The following FAM81A variants were observed in gnomAD, a reference collection of about 807,000 sequenced individuals.
FAM81A encodes the protein protein FAM81A.
A neutral mutation model predicts 46.7 loss-of-function variants in FAM81A; 19 were observed. That is an observed-to-expected ratio of 0.41 (90% CI 0.28 to 0.60). The LOEUF (loss-of-function observed/expected upper bound fraction) is 0.60, where lower values mean the gene tolerates loss of function less well. Among genes scored for constraint, FAM81A ranks in the 20% least tolerant of loss-of-function variants. The probability of loss-of-function intolerance (pLI) is 0.34; values close to 1 mark genes in which losing one functional copy is unlikely to be tolerated. For synonymous variants in FAM81A, 183 were observed against 152.9 expected, an observed-to-expected ratio of 1.20 and a Z score of -1.45; for missense variants, 377 against 453.5, an observed-to-expected ratio of 0.83 and a Z score of 1.53.
intron 3 of FAM81A, among the ~76,000 whole-genome samples, chr15:59,470,809 A>G (rs934345844): frequency 8.6e-5 from 13 of 152,038 alleles, no homozygotes; most frequent in African/African-American, 2.9e-4. Flanking sequence ...ATTTGGCCAT[A>G]TTGGAACACC....
At chr15:59,433,874 C>A (rs1400272504), upstream of FAM81A, among the ~76,000 whole-genome samples, 2 of 152,000 alleles carry the variant, frequency 1.3e-5, no homozygotes, top group African/African-American at 4.8e-5. Context: ...ACCTTTGGGA[C>A]CTTTTGAGTC....
chr15:59,503,999 T>G (rs1418368398), intron 4 of FAM81A, among the ~76,000 whole-genome samples: 8 of 152,220 alleles, frequency 5.3e-5, no homozygotes, highest in African/African-American at 1.9e-4. Context: ...CAAACTACAT[T>G]TTAAAACACA....
At chr15:59,481,190 G>T (rs1405525779) in intron 3 of FAM81A, among the ~76,000 whole-genome samples, 3 of 151,954 alleles carry the variant, frequency 2.0e-5, no homozygotes, top group African/African-American at 7.3e-5. Context: ...TAGAGACAGG[G>T]TTTCACCATG....
rs1433121498 is a variant in FAM81A, at chr15:59,496,957, C to G, written c.413+4568C>G. The stretch of plus-strand genomic sequence containing the variant: ...CCTGGCCAACATGGTGAAATCCCAT[C>G]TCTACCAAAAAGACAAAAATTAGCT... On this transcript the variant is annotated intron_variant, in intron 4 of 8. Coordinates refer to ENST00000288228, the MANE Select transcript of FAM81A (RefSeq NM_152450.3). Among the ~76,000 whole-genome samples the G allele has an allele frequency of 2.0e-5, 3 of 151,884 alleles. No individual in the cohort carries two copies. The East Asian group carries it at 5.8e-4, about 29-fold the overall frequency.
At chr15:59,496,799 T>C (rs1208285255) in intron 4 of FAM81A, among the ~76,000 whole-genome samples, 1 of 152,124 alleles carries the variant, frequency 6.6e-6, no homozygotes, top group Non-Finnish European at 1.5e-5. Context: ...AAGATTGTGT[T>C]AGCTGTTTTA....
chr15:59,501,806 G>A (rs1403736442), intron 4 of FAM81A, among the ~76,000 whole-genome samples: 1 of 152,190 alleles, frequency 6.6e-6, no homozygotes, highest in Non-Finnish European at 1.5e-5. Context: ...TCATCATGAT[G>A]TAAAGCATTA....
chr15:59,425,828 C>A (rs1351725245), intron 2 of FAM81A, among the ~76,000 whole-genome samples: 1 of 152,114 alleles, frequency 6.6e-6, no homozygotes, highest in Non-Finnish European at 1.5e-5. Context: ...TCTCACTATG[C>A]TGCCCAGGCT....
At chr15:59,519,153 C>T (rs189367374) in intron 8 of FAM81A, among the ~76,000 whole-genome samples, 39 of 152,010 alleles carry the variant, frequency 2.6e-4, no homozygotes, top group Admixed American at 1.8e-3. Context: ...CCACCTTTGG[C>T]AACCACCATT....
In FAM81A at chr15:59,522,673, C is replaced by T. The variant is rs1205997958; in HGVS notation, c.*1295C>T. ...ACAACGTTCTGAACTGTGAGGGTGT[C>T]CCAGGAAAAAGAAAAACAGGAATAC... On this transcript the variant is annotated 3_prime_UTR_variant, in exon 9 of 9. Transcript: ENST00000288228. 1 of 152,152 alleles carries T rather than the reference C, an allele frequency of 6.6e-6. No homozygotes were observed. Among genetic ancestry groups the T allele is most frequent in the Non-Finnish European group, 1.5e-5 (1 of 67,968 alleles). The allele number at this position is 152,152 out of a possible 1,614,324, so 9.4% of individuals were successfully genotyped here.
chr15:59,462,284 G>T (rs2081562039), intron 3 of FAM81A, among the ~76,000 whole-genome samples: 2 of 151,602 alleles, frequency 1.3e-5, no homozygotes, highest in East Asian at 1.9e-4. Context: ...ATGTATGAAG[G>T]TCCCAGTTTC....
At chr15:59,421,733 ATCTATCTATCTG>A (rs762611420) in intron 2 of FAM81A, among the ~76,000 whole-genome samples, 12,363 of 118,450 alleles carry the variant, frequency 0.1, 615 homozygotes, top group Non-Finnish European at 0.14. Context: ...CTGTCTGTCT[ATCTATCTATCTG>A]TCTATCTATC....
chr15:59,497,546 A>G (rs1441126082), intron 4 of FAM81A, among the ~76,000 whole-genome samples: 1 of 152,096 alleles, frequency 6.6e-6, no homozygotes, highest in Admixed American at 6.6e-5. Flanking sequence ...TTTGGGGAAT[A>G]TTGCCATTTT....
At chr15:59,439,105 T>C (rs1210608956) in intron 1 of FAM81A, 1 of 145,958 alleles carries the variant, frequency 6.9e-6, no homozygotes, top group South Asian at 2.2e-4. Context: ...TATGTGTGTG[T>C]GTGCGCGCGT....
chr15:59,505,674 G>T (rs866669704), intron 4 of FAM81A, among the ~76,000 whole-genome samples: 16 of 152,150 alleles, frequency 1.1e-4, no homozygotes, highest in Middle Eastern at 3.4e-3. Flanking sequence ...GAGAATAAAG[G>T]GTTCTCCTCT....
chr15:59,499,598 A>G (rs955102282), intron 4 of FAM81A, among the ~76,000 whole-genome samples: 2 of 152,100 alleles, frequency 1.3e-5, no homozygotes, highest in Admixed American at 6.5e-5. Context: ...TCTTCTAACA[A>G]TGAATTCTCT....
At chr15:59,518,513 A>T (rs775228118) in intron 8 of FAM81A, among the ~76,000 whole-genome samples, 1 of 151,820 alleles carries the variant, frequency 6.6e-6, no homozygotes, top group Non-Finnish European at 1.5e-5. Flanking sequence ...TTTTTTAGAG[A>T]TGGGTCCTCA....
intron 2 of FAM81A, among the ~76,000 whole-genome samples, chr15:59,416,527 T>C (rs2081147419): frequency 6.6e-6 from 1 of 152,186 alleles, no homozygotes; most frequent in African/African-American, 2.4e-5. Flanking sequence ...AGTCTTCCCA[T>C]GGCAGAAACT....
intron 3 of FAM81A, among the ~76,000 whole-genome samples, chr15:59,489,766 A>T (rs1269276142): frequency 6.6e-6 from 1 of 152,196 alleles, no homozygotes; most frequent in African/African-American, 2.4e-5. Context: ...TCTACAGTAA[A>T]ATCCTTTTTG....
intron 2 of FAM81A, 131 bp downstream of exon 2, chr15:59,458,777 T>A: frequency 1.2e-6 from 1 of 822,716 alleles, no homozygotes; most frequent in Non-Finnish European, 2.0e-6. Flanking sequence ...TTGTGTCCTC[T>A]AGCTTTCAAT....
Sources: allele counts gnomAD v4.1 joint callset (sites outside exome capture counted in the v4.1 genomes callset), GRCh38; gene constraint gnomAD v4.1.1; transcripts MANE v1.5; gene names NCBI Gene and HGNC (gene_info 2026-07-23, HGNC 2026-07-21).